Variants in CSMD1 observed in about 807,000 individuals in gnomAD.
CSMD1 encodes CUB and sushi domain-containing protein 1.
In CSMD1, 213 loss-of-function variants were observed where a neutral mutation model predicts 417.5. The observed-to-expected ratio is 0.51, with a 90% CI of 0.46 to 0.57. The LOEUF is 0.57. Among genes scored for constraint, CSMD1 ranks in the 20% least tolerant of loss-of-function variants. CSMD1 has a pLI of 0.00. For missense variants in CSMD1, 6,923 were observed against 4,529.7 expected (o/e 1.53, Z -15.17); for synonymous variants, 2,862 against 1,736.8 (o/e 1.65, Z -16.11).
In CSMD1 at chr8:4,032,579, G is replaced by A. The variant is rs937228027; in HGVS notation, c.416-480C>T. ...TGTCTGTTACACATCATTACCCAAC[G>A]CTCAATCAACATTTGATGGATAAGC... On this transcript the variant is annotated intron_variant, in intron 3 of 69. Coordinates refer to ENST00000635120, the MANE Select transcript of CSMD1 (RefSeq NM_033225.6). Among the ~76,000 whole-genome samples the A allele has an allele frequency of 4.6e-5, 7 of 152,106 alleles. No homozygotes were observed. The South Asian group carries it at 6.2e-4, about 14-fold the overall frequency.
At chr8:4,406,244 T>G (rs1004593630) in intron 3 of CSMD1, among the ~76,000 whole-genome samples, 5 of 152,132 alleles carry the variant, frequency 3.3e-5, no homozygotes, top group African/African-American at 1.2e-4. Context: ...ATGGTGCAAG[T>G]GGCTCTCCTG....
chr8:3,245,256 C>A (rs1799800699), intron 26 of CSMD1, among the ~76,000 whole-genome samples: 1 of 152,118 alleles, frequency 6.6e-6, no homozygotes, highest in Non-Finnish European at 1.5e-5. Context: ...ACATTCATTC[C>A]AGGGCACATC....
chr8:4,849,751 C>T (rs1016235879), intron 1 of CSMD1, among the ~76,000 whole-genome samples: 3 of 152,226 alleles, frequency 2.0e-5, no homozygotes, highest in Middle Eastern at 3.4e-3. Flanking sequence ...CTCTAGGAAG[C>T]TAAACCATCT....
chr8:3,943,550 A>G (rs941640464), intron 5 of CSMD1, among the ~76,000 whole-genome samples: 2 of 152,068 alleles, frequency 1.3e-5, no homozygotes, highest in African/African-American at 4.8e-5. Context: ...AATCTCTCAA[A>G]AAATATGTAT....
At chr8:3,935,232 T>C (rs560027530) in intron 5 of CSMD1, among the ~76,000 whole-genome samples, 6 of 152,304 alleles carry the variant, frequency 3.9e-5, no homozygotes, top group East Asian at 3.9e-4. Context: ...GAAATCGTTC[T>C]TAAAATGTAG....
At chr8:3,229,651 G>T (rs933740177) in intron 27 of CSMD1, among the ~76,000 whole-genome samples, 1 of 152,098 alleles carries the variant, frequency 6.6e-6, no homozygotes, top group Non-Finnish European at 1.5e-5. Flanking sequence ...TCTAAAAAGA[G>T]AAAGTACTTT....
At chr8:3,756,068 T>A (rs1797638040) in intron 5 of CSMD1, among the ~76,000 whole-genome samples, 1 of 151,942 alleles carries the variant, frequency 6.6e-6, no homozygotes, top group Non-Finnish European at 1.5e-5. Flanking sequence ...CTTTAAAAAA[T>A]CATTGTGGCC....
chr8:3,453,188 A>G (rs886723314), intron 12 of CSMD1, among the ~76,000 whole-genome samples: 5 of 151,718 alleles, frequency 3.3e-5, no homozygotes, highest in Non-Finnish European at 7.4e-5. Context: ...TATTGCTTCT[A>G]TTTGATTCTT....
intron 3 of CSMD1, among the ~76,000 whole-genome samples, chr8:4,312,999 T>C (rs776501577): frequency 2.6e-5 from 4 of 152,056 alleles, no homozygotes; most frequent in East Asian, 1.9e-4. Context: ...GAAATGAAGA[T>C]GGGGAGGTAG....
chr8:3,761,803 G>C (rs575330882), intron 5 of CSMD1, among the ~76,000 whole-genome samples: 1 of 152,230 alleles, frequency 6.6e-6, no homozygotes, highest in South Asian at 2.1e-4. Flanking sequence ...ACAATGCCCA[G>C]CCAAAATTAC....
intron 3 of CSMD1, among the ~76,000 whole-genome samples, chr8:4,291,727 T>A (rs1184340706): frequency 1.3e-5 from 2 of 152,216 alleles, no homozygotes; most frequent in Non-Finnish European, 2.9e-5. Context: ...TCTAATCAGT[T>A]ATATGCGGAG....
At chr8:3,668,002 G>C (rs1798791461) in intron 7 of CSMD1, among the ~76,000 whole-genome samples, 1 of 152,144 alleles carries the variant, frequency 6.6e-6, no homozygotes, top group Non-Finnish European at 1.5e-5. Context: ...ATGAGTGTCT[G>C]TGCGCCTCAG....
intron 6 of CSMD1, among the ~76,000 whole-genome samples, chr8:3,712,253 G>C (rs936383877): frequency 2.6e-5 from 4 of 152,100 alleles, no homozygotes; most frequent in Non-Finnish European, 4.4e-5. Context: ...CCGGTGTCTG[G>C]ACACTTCTCC....
chr8:4,707,145 G>A (rs76162365), intron 1 of CSMD1, among the ~76,000 whole-genome samples: 1,879 of 152,184 alleles, frequency 0.012, 33 homozygotes, highest in East Asian at 0.058. Flanking sequence ...CAGTGATCTG[G>A]GTGAAAATAA....
At chr8:3,580,713 G>C (rs1436264690) in intron 9 of CSMD1, among the ~76,000 whole-genome samples, 1 of 152,164 alleles carries the variant, frequency 6.6e-6, no homozygotes, top group Non-Finnish European at 1.5e-5. Flanking sequence ...GTGTTCTTCT[G>C]TCTAAATCTC....
At chr8:4,047,174 C>T (rs190997644) in intron 3 of CSMD1, among the ~76,000 whole-genome samples, 485 of 152,288 alleles carry the variant, frequency 3.2e-3, no homozygotes, top group Non-Finnish European at 5.4e-3. Flanking sequence ...ACCTATCTGA[C>T]CTGTGCTGGG....
At chr8:4,282,507 T>C (rs1023658454) in intron 3 of CSMD1, among the ~76,000 whole-genome samples, 2 of 152,216 alleles carry the variant, frequency 1.3e-5, no homozygotes, top group Non-Finnish European at 2.9e-5. Context: ...TATCTCCCTC[T>C]AAGCTTTGCG....
rs545582197 is a variant in CSMD1 at position 3,420,541 on chromosome 8, T to C, written c.1562-10936A>G. 3.3e-5 allele frequency among the ~76,000 whole-genome samples: 5 copies of C among 152,226 alleles called. No individual in the cohort carries two copies. In the East Asian group the frequency reaches 9.7e-4, roughly 30 times the overall value. On this transcript the variant is annotated intron_variant, in intron 12 of 69. Transcript: ENST00000635120. ...GTATTAAATATAGGGAAACTGGCTG[T>C]GGGGTGGACAGAAATGCTCTGTACT...
chr8:4,089,502 A>C (rs1800602550), intron 3 of CSMD1, among the ~76,000 whole-genome samples: 1 of 152,202 alleles, frequency 6.6e-6, no homozygotes, highest in Admixed American at 6.5e-5. Context: ...AAAGTGACAC[A>C]TTCCATATAT....
Sources: allele counts gnomAD v4.1 joint callset (sites outside exome capture counted in the v4.1 genomes callset), GRCh38; gene constraint gnomAD v4.1.1; transcripts MANE v1.5; gene names NCBI Gene and HGNC (gene_info 2026-07-23, HGNC 2026-07-21).